The following FOXJ3 variants were observed in gnomAD, a reference collection of about 807,000 sequenced individuals.
FOXJ3 encodes the protein forkhead box J3, also known as forkhead box protein J3.
FOXJ3 carries 22 observed loss-of-function variants against 76.1 expected under a neutral mutation model. The ratio of observed to expected loss-of-function variants is 0.29; its 90% CI spans 0.21 to 0.41. The LOEUF (loss-of-function observed/expected upper bound fraction) is 0.41, where lower values mean the gene tolerates loss of function less well. Ranked by LOEUF, FOXJ3 falls within the 10% of genes least tolerant of loss-of-function variation. The probability of loss-of-function intolerance (pLI) is 1.00; values close to 1 mark genes in which losing one functional copy is unlikely to be tolerated. For missense variants in FOXJ3, 613 were observed against 762.1 expected, an observed-to-expected ratio of 0.80 and a Z score of 2.30; for synonymous variants, 269 against 261.2, an observed-to-expected ratio of 1.03 and a Z score of -0.29.
upstream of FOXJ3, chr1:42,335,739 C>G (rs906136032): frequency 6.6e-6 from 1 of 152,258 alleles, no homozygotes; most frequent in Admixed American, 6.5e-5. Flanking sequence ...CAGGACACCC[C>G]TCTTTTCAGA....
At chr1:42,327,861 G>C (rs1165899607) in intron 1 of FOXJ3, among the ~76,000 whole-genome samples, 1 of 152,198 alleles carries the variant, frequency 6.6e-6, no homozygotes, top group African/African-American at 2.4e-5. Context: ...TATACTCCAG[G>C]TGAAAACTCT....
intron 3 of FOXJ3, among the ~76,000 whole-genome samples, chr1:42,272,850 G>C (rs190683036): frequency 6.6e-6 from 1 of 152,222 alleles, no homozygotes; most frequent in East Asian, 1.9e-4. Flanking sequence ...ATATTCATAG[G>C]ATCTCCATAT....
At chr1:42,304,552 G>GA (rs1654345915) in intron 2 of FOXJ3, among the ~76,000 whole-genome samples, 1 of 152,066 alleles carries the variant, frequency 6.6e-6, no homozygotes, top group African/African-American at 2.4e-5. Context: ...CATAAAAACA[G>GA]CCATACCAAT....
At chr1:42,232,898 G>A (rs960301798) in intron 4 of FOXJ3, among the ~76,000 whole-genome samples, 2 of 151,904 alleles carry the variant, frequency 1.3e-5, no homozygotes, top group East Asian at 1.9e-4. Flanking sequence ...GTAATGCCTA[G>A]GTTTTCTTCT....
At chr1:42,283,493 A>T (rs958127072) in intron 2 of FOXJ3, among the ~76,000 whole-genome samples, 2 of 152,190 alleles carry the variant, frequency 1.3e-5, no homozygotes, top group Non-Finnish European at 2.9e-5. Context: ...TTACTCAGAA[A>T]GTTTTTCAAG....
chr1:42,327,959 CAA>C (rs1435944205), intron 1 of FOXJ3, among the ~76,000 whole-genome samples: 1 of 152,116 alleles, frequency 6.6e-6, no homozygotes, highest in African/African-American at 2.4e-5. Context: ...GATTTGAAGA[CAA>C]TAAAAATAGA....
At chr1:42,200,686 G>T (rs910893681) in intron 6 of FOXJ3, among the ~76,000 whole-genome samples, 2 of 152,018 alleles carry the variant, frequency 1.3e-5, no homozygotes, top group Admixed American at 1.3e-4. Context: ...CACTATGTTG[G>T]TCATGCTGGT....
chr1:42,226,332 C>T (rs1647562869), intron 5 of FOXJ3, among the ~76,000 whole-genome samples: 1 of 152,152 alleles, frequency 6.6e-6, no homozygotes, highest in Admixed American at 6.5e-5. Flanking sequence ...CTAGCTCTGG[C>T]CGGGCACGGC....
intron 4 of FOXJ3, among the ~76,000 whole-genome samples, chr1:42,243,884 G>A (rs1222544688): frequency 2.0e-5 from 3 of 152,146 alleles, no homozygotes; most frequent in South Asian, 2.1e-4. Context: ...GTTCCCATCA[G>A]TACATGGAAT....
rs915751295 is a variant in FOXJ3, at chr1:42,245,871, A to G, written c.445-17905T>C. Among the ~76,000 whole-genome samples the G allele has an allele frequency of 2.3e-4, 35 of 152,174 alleles. 1 individual carries two copies. Among genetic ancestry groups the G allele is most frequent in the African/African-American group, 8.4e-4 (35 of 41,458 alleles). On this transcript the variant is annotated intron_variant, in intron 4 of 12. Coordinates refer to ENST00000361346, the MANE Select transcript of FOXJ3 (RefSeq NM_014947.5). ...TCTAAACTGGAAAAGAGGAAGGCAA[A>G]TTGTCCCTCTTTGCACATGACATGA...
chr1:42,232,226 C>G (rs343380), intron 4 of FOXJ3, among the ~76,000 whole-genome samples: 6 of 146,768 alleles, frequency 4.1e-5, no homozygotes, highest in Non-Finnish European at 9.0e-5. Context: ...GTTCCAAGTC[C>G]TTGCTATTGT....
chr1:42,238,411 C>T (rs1380846968), intron 4 of FOXJ3, among the ~76,000 whole-genome samples: 1 of 152,156 alleles, frequency 6.6e-6, no homozygotes, highest in Non-Finnish European at 1.5e-5. Context: ...AACTTTGGTT[C>T]CCCACCACCA....
chr1:42,284,597 A>T (rs1209295543), intron 2 of FOXJ3, among the ~76,000 whole-genome samples: 1 of 152,232 alleles, frequency 6.6e-6, no homozygotes, highest in Non-Finnish European at 1.5e-5. Flanking sequence ...CAACTGAGGT[A>T]GGTGAGTGTA....
At chr1:42,194,853 A>G in intron 8 of FOXJ3, 37 bp downstream of exon 8, 1 of 1,381,014 alleles carries the variant, frequency 7.2e-7, no homozygotes, top group African/African-American at 1.5e-5. Flanking sequence ...TTTTTCCAAT[A>G]AAACTTTGTT....
At chr1:42,279,594 T>C (rs1652545514) in intron 2 of FOXJ3, among the ~76,000 whole-genome samples, 3 of 152,128 alleles carry the variant, frequency 2.0e-5, no homozygotes, top group South Asian at 4.1e-4. Flanking sequence ...GGTTAACACA[T>C]ATCCTCGAAA....
intron 1 of FOXJ3, among the ~76,000 whole-genome samples, chr1:42,314,722 TCTA>T (rs1304559178): frequency 6.6e-6 from 1 of 152,214 alleles, no homozygotes; most frequent in African/African-American, 2.4e-5. Context: ...TAAGTCACGT[TCTA>T]CAATATAGGT....
At chr1:42,221,566 T>C (rs1647186608) in intron 5 of FOXJ3, among the ~76,000 whole-genome samples, 2 of 152,098 alleles carry the variant, frequency 1.3e-5, no homozygotes, top group East Asian at 1.9e-4. Flanking sequence ...CGCAATCCTC[T>C]GGCCTCAGCC....
chr1:42,264,838 C>A, intron 4 of FOXJ3: 1 of 346,946 alleles, frequency 2.9e-6, no homozygotes, highest in Non-Finnish European at 5.2e-6. Flanking sequence ...ATTATGGTTC[C>A]TGACAAGCAG....
At chr1:42,276,533 A>C (rs1034135329) in intron 3 of FOXJ3, among the ~76,000 whole-genome samples, 1 of 152,194 alleles carries the variant, frequency 6.6e-6, no homozygotes, top group Non-Finnish European at 1.5e-5. Flanking sequence ...GTCAAACAAA[A>C]GTATAGCACG....
Sources: allele counts gnomAD v4.1 joint callset (sites outside exome capture counted in the v4.1 genomes callset), GRCh38; gene constraint gnomAD v4.1.1; transcripts MANE v1.5; gene names NCBI Gene and HGNC (gene_info 2026-07-23, HGNC 2026-07-21).